The following SLC14A2 variants were observed in gnomAD, a reference collection of about 807,000 sequenced individuals.
The protein encoded by SLC14A2 is urea transporter 2.
SLC14A2 carries 91 observed loss-of-function variants against 104.6 expected under a neutral mutation model. The observed-to-expected ratio is 0.87, with a 90% confidence interval of 0.73 to 1.04. The LOEUF (loss-of-function observed/expected upper bound fraction) is 1.04. Ranked by LOEUF, SLC14A2 falls within the 50% of genes least tolerant of loss-of-function variation. The probability of loss-of-function intolerance (pLI) is 0.00; values close to 1 mark genes in which losing one functional copy is unlikely to be tolerated. For synonymous variants in SLC14A2, 476 were observed against 466.4 expected, an observed-to-expected ratio of 1.02 and a Z score of -0.27; for missense variants, 1,189 against 1,156.0, an observed-to-expected ratio of 1.03 and a Z score of -0.41.
intron 1 of SLC14A2, among the ~76,000 whole-genome samples, chr18:45,299,618 T>C (rs904641839): frequency 2.6e-5 from 4 of 152,202 alleles, no homozygotes; most frequent in African/African-American, 7.2e-5. Flanking sequence ...CACATCACCA[T>C]ACCTGGCTAA....
At chr18:45,680,633 C>T (rs2046298387) in intron 19 of SLC14A2, among the ~76,000 whole-genome samples, 1 of 152,198 alleles carries the variant, frequency 6.6e-6, no homozygotes, top group South Asian at 2.1e-4. Context: ...ATGCTGCCAT[C>T]TGTTTGATGA....
At chr18:45,669,708 G>T (rs918650774) in intron 16 of SLC14A2, among the ~76,000 whole-genome samples, 3 of 152,202 alleles carry the variant, frequency 2.0e-5, no homozygotes, top group African/African-American at 7.2e-5. Context: ...TGATAGCACA[G>T]AGAAGGAAAC....
At chr18:45,433,070 A>G (rs2086542005) in intron 1 of SLC14A2, among the ~76,000 whole-genome samples, 1 of 151,848 alleles carries the variant, frequency 6.6e-6, no homozygotes, top group African/African-American at 2.4e-5. Flanking sequence ...TTTCTCTTTC[A>G]CTTCCTCAAA....
Position 45,534,989 on chromosome 18 carries a change from G to A in SLC14A2, c.-35+51667G>A, listed in dbSNP as rs76551857. 2.8e-4 allele frequency among the ~76,000 whole-genome samples: 42 copies of A among 152,310 alleles called. No individual in the cohort carries two copies. In the East Asian group the frequency reaches 6.2e-3, roughly 22 times the overall value. On this transcript the variant is annotated intron_variant, in intron 2 of 20. Coordinates refer to the SLC14A2 transcript ENST00000586448. Reference sequence around the variant, plus strand: ...AGGAAATGAGGCATTCTGGTTAAATGAATTAGCTGGTTAATGAGACCTAAG... The same window carrying A: ...AGGAAATGAGGCATTCTGGTTAAATAAATTAGCTGGTTAATGAGACCTAAG...
intron 1 of SLC14A2, among the ~76,000 whole-genome samples, chr18:45,476,667 CTTTG>C (rs1382991853): frequency 2.0e-5 from 3 of 152,134 alleles, no homozygotes; most frequent in Non-Finnish European, 4.4e-5. Context: ...TTCTTGGAGG[CTTTG>C]TTTGTTCCTT....
chr18:45,491,106 A>G (rs2042990705), intron 2 of SLC14A2, among the ~76,000 whole-genome samples: 1 of 152,258 alleles, frequency 6.6e-6, no homozygotes, highest in African/African-American at 2.4e-5. Context: ...ATGTCTAAAT[A>G]TAATCCCTAG....
At chr18:45,331,960 G>A (rs527819835) in intron 1 of SLC14A2, among the ~76,000 whole-genome samples, 117 of 152,306 alleles carry the variant, frequency 7.7e-4, no homozygotes, top group African/African-American at 2.8e-3. Context: ...CAGCAGGTGG[G>A]GTTAACAATG....
At chr18:45,306,047 A>G (rs944978705) in intron 1 of SLC14A2, among the ~76,000 whole-genome samples, 28 of 152,324 alleles carry the variant, frequency 1.8e-4, no homozygotes, top group African/African-American at 6.7e-4. Flanking sequence ...GGACTGAGGC[A>G]CAGGTTCCTT....
chr18:45,367,242 G>C (rs959605941), intron 1 of SLC14A2, among the ~76,000 whole-genome samples: 1 of 152,116 alleles, frequency 6.6e-6, no homozygotes, highest in Non-Finnish European at 1.5e-5. Context: ...AAAAAGACTT[G>C]ACCAAAGTCC....
intron 2 of SLC14A2, among the ~76,000 whole-genome samples, chr18:45,591,938 A>C (rs181477246): frequency 1.0e-3 from 152 of 152,348 alleles, no homozygotes; most frequent in Non-Finnish European, 1.2e-4. Flanking sequence ...GGAAGCATGC[A>C]GAGTTTTTGG....
chr18:45,335,395 G>T (rs1216484251), intron 1 of SLC14A2, among the ~76,000 whole-genome samples: 1 of 152,080 alleles, frequency 6.6e-6, no homozygotes, highest in African/African-American at 2.4e-5. Context: ...ATGCTTTTTT[G>T]AGGACATCTA....
intron 1 of SLC14A2, among the ~76,000 whole-genome samples, chr18:45,442,700 T>C (rs2144585760): frequency 6.6e-6 from 1 of 152,278 alleles, no homozygotes; most frequent in South Asian, 2.1e-4. Context: ...ATACAATCAA[T>C]TCATAAAAGG....
At chr18:45,251,072 T>G (rs577926733) in intron 1 of SLC14A2, among the ~76,000 whole-genome samples, 1 of 152,314 alleles carries the variant, frequency 6.6e-6, no homozygotes, top group African/African-American at 2.4e-5. Context: ...AGTTAAAGTA[T>G]TTGGTTACAT....
chr18:45,643,943 G>A (rs2045576152), intron 9 of SLC14A2, 43 bp from the exon 10 acceptor site: 3 of 1,586,820 alleles, frequency 1.9e-6, no homozygotes, highest in Non-Finnish European at 2.6e-6. Context: ...CCCAACACAG[G>A]AAACTAGGAA....
At chr18:45,668,140 G>C in intron 14 of SLC14A2, 118 bp downstream of exon 14, 14 of 1,159,782 alleles carry the variant, frequency 1.2e-5, no homozygotes, top group Non-Finnish European at 1.7e-5. Context: ...AACTAAAAAT[G>C]ACTGTTCCCT....
the SLC14A2 span, among the ~76,000 whole-genome samples, chr18:45,190,631 G>A: frequency 7.6e-4 from 115 of 152,290 alleles, no homozygotes; most frequent in African/African-American, 2.3e-3. Flanking sequence ...GAGATGGGCC[G>A]TGGCAGTGAT....
chr18:45,632,219 CG>C (rs957391729), intron 4 of SLC14A2, 130 bp from the exon 5 acceptor site: 2 of 1,120,272 alleles, frequency 1.8e-6, no homozygotes, highest in African/African-American at 3.2e-5. Context: ...ATTCATTGAG[CG>C]AACTGACTTT....
In SLC14A2 at chr18:45,644,054, C is replaced by CT; in HGVS notation, c.1245_1246insT (p.Asn416Ter). 1.2e-6 allele frequency: 2 copies of CT among 1,614,218 alleles called. No homozygotes were observed. The highest frequency in any genetic ancestry group is 1.7e-6 in the Non-Finnish European group (2 of 1,180,022). ...TCATCTTCCTGCTCCTGACGACAAA[C>CT]AACCCAGCCATCTTCAGACTCCCAC... On this transcript the variant is annotated frameshift_variant, in exon 10 of 20. Coordinates refer to ENST00000255226, the MANE Select transcript of SLC14A2 (RefSeq NM_007163.4). LOFTEE classifies it high-confidence loss of function.
intron 1 of SLC14A2, among the ~76,000 whole-genome samples, chr18:45,343,314 T>C (rs1158477202): frequency 6.6e-6 from 1 of 152,098 alleles, no homozygotes; most frequent in Non-Finnish European, 1.5e-5. Context: ...TTGGGCTGCC[T>C]TGTGCCTGCC....
Sources: gnomAD v4.1 joint callset for allele counts (sites outside exome capture counted in the v4.1 genomes callset) on GRCh38, gnomAD v4.1.1 for gene constraint, MANE v1.5 for transcripts, NCBI Gene and HGNC (gene_info 2026-07-23, HGNC 2026-07-21) for gene names.